Variants in CNTN6 observed in about 807,000 individuals in gnomAD.
CNTN6 encodes the protein contactin 6.
CNTN6 carries 137 observed loss-of-function variants against 122.8 expected under a neutral mutation model. The ratio of observed to expected loss-of-function variants is 1.12; its 90% confidence interval spans 0.97 to 1.29. The LOEUF is 1.29. CNTN6 is among the 50% of genes most tolerant of loss of function. The pLI, the probability that CNTN6 is intolerant of heterozygous loss-of-function variation, is 0.00. For synonymous variants in CNTN6, 570 were observed against 426.0 expected, an observed-to-expected ratio of 1.34 and a Z score of -4.16; for missense variants, 1,634 against 1,223.4, an observed-to-expected ratio of 1.34 and a Z score of -5.01.
At chr3:1,186,823 T>TA (rs1381891956) in intron 2 of CNTN6, among the ~76,000 whole-genome samples, 1 of 151,642 alleles carries the variant, frequency 6.6e-6, no homozygotes, top group East Asian at 1.9e-4. Flanking sequence ...TTTTTTCTTT[T>TA]TTTAATAAAG....
rs548499452 is a variant in CNTN6, at chr3:1,135,329, T to C, written c.-82-12598T>C. Among the ~76,000 whole-genome samples the C allele has an allele frequency of 6.7e-4, 102 of 152,256 alleles. 1 individual carries two copies. In the South Asian group the frequency reaches 0.02, roughly 29 times the overall value. ...GACTCCTATTTCTGTGAGGTCAAGATTGACAATGGGAGCACATATCAGGGG... is the reference window on the plus strand; with the variant it reads ...GACTCCTATTTCTGTGAGGTCAAGACTGACAATGGGAGCACATATCAGGGG... On this transcript the variant is annotated intron_variant, in intron 1 of 22. Transcript: ENST00000446702.
At chr3:1,374,677 C>A (rs1237406524) in intron 16 of CNTN6, among the ~76,000 whole-genome samples, 1 of 152,054 alleles carries the variant, frequency 6.6e-6, no homozygotes, top group South Asian at 2.1e-4. Context: ...CAAACTTTTA[C>A]ATCCAGGGTG....
intron 2 of CNTN6, among the ~76,000 whole-genome samples, chr3:1,216,056 A>G (rs1431716844): frequency 1.3e-5 from 2 of 152,138 alleles, no homozygotes; most frequent in Non-Finnish European, 2.9e-5. Context: ...CACTTTTCTA[A>G]TGGGCTTCAG....
chr3:1,106,712 T>C (rs187987348), intron 1 of CNTN6, among the ~76,000 whole-genome samples: 77 of 152,268 alleles, frequency 5.1e-4, no homozygotes, highest in African/African-American at 1.7e-3. Context: ...TTATAAGTAA[T>C]GTTGGCTAGA....
intron 2 of CNTN6, among the ~76,000 whole-genome samples, chr3:1,168,724 G>C (rs2093306002): frequency 4.6e-5 from 7 of 151,982 alleles, no homozygotes. Flanking sequence ...GCTGAGATCT[G>C]AACTCAAGCA....
chr3:1,112,464 C>G (rs1376442599), intron 1 of CNTN6, among the ~76,000 whole-genome samples: 2 of 152,086 alleles, frequency 1.3e-5, no homozygotes, highest in South Asian at 2.1e-4. Flanking sequence ...ACCTGAGAAC[C>G]TGGAGTGCTT....
chr3:1,381,699 C>T (rs964273652), intron 17 of CNTN6, among the ~76,000 whole-genome samples: 2 of 152,062 alleles, frequency 1.3e-5, no homozygotes, highest in African/African-American at 4.8e-5. Flanking sequence ...ATTTGGATGC[C>T]CTCTCTCTAA....
At chr3:1,294,809 A>G (rs535829924) in intron 5 of CNTN6, among the ~76,000 whole-genome samples, 5 of 152,314 alleles carry the variant, frequency 3.3e-5, no homozygotes, top group Admixed American at 3.3e-4. Flanking sequence ...TGGGCTCCCT[A>G]TAATGCCTTT....
intron 1 of CNTN6, among the ~76,000 whole-genome samples, chr3:1,099,302 T>C (rs1428462085): frequency 6.6e-6 from 1 of 151,546 alleles, no homozygotes; most frequent in Non-Finnish European, 1.5e-5. Flanking sequence ...ATACAAAAAA[T>C]TAGCAGGGTG....
intron 2 of CNTN6, among the ~76,000 whole-genome samples, chr3:1,215,483 C>T (rs996479399): frequency 1.3e-5 from 2 of 152,124 alleles, no homozygotes; most frequent in African/African-American, 2.4e-5. Flanking sequence ...GCCTGGGTTA[C>T]AGTTTGCATC....
intron 4 of CNTN6, among the ~76,000 whole-genome samples, chr3:1,243,789 G>A (rs1235139707): frequency 3.9e-5 from 6 of 152,120 alleles, no homozygotes; most frequent in African/African-American, 1.4e-4. Context: ...AGGAGGGGAG[G>A]CTGAGGAAGT....
At chr3:1,173,205 A>T (rs2093390938) in intron 2 of CNTN6, 1 of 456,282 alleles carries the variant, frequency 2.2e-6, no homozygotes, top group Non-Finnish European at 4.4e-6. Flanking sequence ...TCATCCTAGA[A>T]AAGTTTATAT....
In CNTN6 at chr3:1,401,511, C is replaced by A; in HGVS notation, c.2783C>A (p.Thr928Asn). The A allele has an allele frequency of 6.2e-7, 1 of 1,611,692 alleles. No homozygotes were observed. The highest frequency in any genetic ancestry group is 1.7e-5 in the Admixed American group (1 of 59,788). Residue 928 changes from threonine to asparagine, a missense_variant, in exon 21 of 23, where the codon ACC becomes AAC. Transcript: ENST00000446702. ...TGCTTGAACTGGGAGCATGTAAAAA[C>A]CATGGAAAATGAGTCTGAAGTTTTG... is the stretch of plus-strand genomic sequence containing the variant. ...KLCLNWEHVK[T>N]MENESEVLGY...
At position 1,245,310 on chromosome 3, in the gene CNTN6, A is replaced by AT. The variant is rs1559597873; in HGVS notation, c.358+17318dup. ...ATATATATAACATATATATATATAT[A>AT]TATATATATATATATATATATATAT... On this transcript the variant is annotated intron_variant, in intron 4 of 22. Coordinates refer to ENST00000446702, the MANE Select transcript of CNTN6 (RefSeq NM_001289080.2). Among the ~76,000 whole-genome samples, 9 of 16,758 alleles carry AT rather than the reference A, an allele frequency of 5.4e-4. 1 individual carries two copies. The highest frequency in any genetic ancestry group is 1.9e-3 in the African/African-American group (9 of 4,838). The allele number at this position is 16,758 out of a possible 152,430, so 11.0% of individuals were successfully genotyped here.
At chr3:1,380,724 G>A (rs951202422) in intron 17 of CNTN6, among the ~76,000 whole-genome samples, 2 of 152,130 alleles carry the variant, frequency 1.3e-5, no homozygotes, top group African/African-American at 4.8e-5. Context: ...ATATAGGTGT[G>A]GGTGTGTCTC....
intron 20 of CNTN6, among the ~76,000 whole-genome samples, chr3:1,392,542 C>A (rs879824771): frequency 4.7e-5 from 7 of 148,982 alleles, no homozygotes; most frequent in Non-Finnish European, 7.5e-5. Context: ...CAACAAAAGA[C>A]AAAATTGACA....
intron 2 of CNTN6, among the ~76,000 whole-genome samples, chr3:1,201,789 T>C (rs1048192283): frequency 3.3e-5 from 5 of 152,190 alleles, no homozygotes; most frequent in Admixed American, 6.5e-5. Flanking sequence ...TGAATCATAT[T>C]ATTCCATTAA....
At chr3:1,162,128 G>A (rs1162409711) in intron 2 of CNTN6, among the ~76,000 whole-genome samples, 1 of 152,148 alleles carries the variant, frequency 6.6e-6, no homozygotes, top group East Asian at 1.9e-4. Context: ...TTTGCCAGAA[G>A]CTCACAATAG....
chr3:1,402,738 G>A, intron 22 of CNTN6: 1 of 359,782 alleles, frequency 2.8e-6, no homozygotes. Context: ...TGTCATTAGA[G>A]CATAATTGTA....
Sources: gnomAD v4.1 joint callset for allele counts (sites outside exome capture counted in the v4.1 genomes callset) on GRCh38, gnomAD v4.1.1 for gene constraint, MANE v1.5 for transcripts, NCBI Gene and HGNC (gene_info 2026-07-23, HGNC 2026-07-21) for gene names.